CORO2A: variants seen among roughly 807,000 people sequenced by gnomAD.
CORO2A encodes coronin 2A.
CORO2A carries 47 observed loss-of-function variants against 62.4 expected under a neutral mutation model. That is an observed-to-expected ratio of 0.75 (90% CI 0.60 to 0.96). The LOEUF is 0.96. Ranked by LOEUF, CORO2A falls within the 40% of genes least tolerant of loss-of-function variation. The probability of loss-of-function intolerance (pLI) is 0.00; values close to 1 mark genes in which losing one functional copy is unlikely to be tolerated. For missense variants in CORO2A, 610 were observed against 684.1 expected (o/e 0.89, Z 1.21); for synonymous variants, 273 against 268.9 (o/e 1.02, Z -0.15).
At chr9:98,174,810 T>C (rs978264694) in intron 1 of CORO2A, among the ~76,000 whole-genome samples, 4 of 152,186 alleles carry the variant, frequency 2.6e-5, no homozygotes, top group African/African-American at 9.7e-5. Flanking sequence ...ATTAAACCTC[T>C]TTCCTTTATA....
chr9:98,184,707 CCAAA>C (rs1471893616), intron 1 of CORO2A, among the ~76,000 whole-genome samples: 3 of 152,132 alleles, frequency 2.0e-5, no homozygotes, highest in Admixed American at 6.5e-5. Flanking sequence ...GGGGACCCCA[CCAAA>C]CAAAGCCACA....
In CORO2A at chr9:98,132,307, G is replaced by A; in HGVS notation, c.649-6C>T. 2 of 1,611,914 alleles carry A rather than the reference G, an allele frequency of 1.2e-6. No homozygotes were observed. The highest frequency in any genetic ancestry group is 1.7e-6 in the Non-Finnish European group (2 of 1,178,226). On this transcript the variant is annotated splice_polypyrimidine_tract_variant and splice_region_variant and intron_variant, in intron 5 of 11. Transcript: ENST00000375077. Reference sequence around the variant, plus strand: ...TGCCCTTTGTAGCTGGCCTCCTGGAGGGACACGTGCGGTCGGTATTGGAGA... The same window carrying A: ...TGCCCTTTGTAGCTGGCCTCCTGGAAGGACACGTGCGGTCGGTATTGGAGA...
At chr9:98,177,765 T>A (rs7034681) in intron 1 of CORO2A, among the ~76,000 whole-genome samples, 104,394 of 150,092 alleles carry the variant, frequency 0.7, 38,258 homozygotes, top group East Asian at 0.97. Context: ...AAACAAACTG[T>A]GCTCACACCC....
chr9:98,148,565 C>G (rs1191186992), intron 2 of CORO2A, among the ~76,000 whole-genome samples: 1 of 151,692 alleles, frequency 6.6e-6, no homozygotes, highest in Non-Finnish European at 1.5e-5. Context: ...CATAGCAAAA[C>G]CTCACCTCTA....
chr9:98,178,455 C>T (rs931335775), intron 1 of CORO2A, among the ~76,000 whole-genome samples: 1 of 152,210 alleles, frequency 6.6e-6, no homozygotes, highest in African/African-American at 2.4e-5. Context: ...TCTGTAAGCG[C>T]TAGTTAGCTT....
At chr9:98,163,177 G>A (rs1827908736) in intron 1 of CORO2A, among the ~76,000 whole-genome samples, 5 of 152,198 alleles carry the variant, frequency 3.3e-5, no homozygotes, top group South Asian at 2.1e-4. Context: ...GTTTTGCATC[G>A]CACTGAGTTT....
At chr9:98,161,181 G>T (rs1827880754) in intron 1 of CORO2A, among the ~76,000 whole-genome samples, 1 of 152,172 alleles carries the variant, frequency 6.6e-6, no homozygotes, top group African/African-American at 2.4e-5. Flanking sequence ...GCTTGGTGTG[G>T]CCACAGAGGA....
chr9:98,184,622 T>C (rs55752813), intron 1 of CORO2A, among the ~76,000 whole-genome samples: 34,447 of 152,032 alleles, frequency 0.23, 3,952 homozygotes, highest in African/African-American at 0.26. Context: ...AGGGACGTAG[T>C]GCTTTGGGTC....
chr9:98,169,381 G>A (rs539314990), intron 1 of CORO2A, among the ~76,000 whole-genome samples: 16 of 152,110 alleles, frequency 1.1e-4, no homozygotes, highest in Middle Eastern at 3.4e-3. Context: ...GTCCCTGGGC[G>A]GGCCACCTCC....
intron 2 of CORO2A, among the ~76,000 whole-genome samples, chr9:98,150,543 A>G (rs1243106349): frequency 6.6e-6 from 1 of 152,140 alleles, no homozygotes; most frequent in Non-Finnish European, 1.5e-5. Flanking sequence ...CATCCTGCCT[A>G]AACTAGGTCC....
intron 1 of CORO2A, among the ~76,000 whole-genome samples, chr9:98,179,033 C>T (rs16913573): frequency 0.16 from 24,379 of 152,148 alleles, 2,804 homozygotes; most frequent in African/African-American, 0.3. Context: ...AGCTCTTTAC[C>T]GGTCCTTTTA....
intron 2 of CORO2A, among the ~76,000 whole-genome samples, chr9:98,156,572 A>G (rs950429834): frequency 6.6e-6 from 1 of 152,226 alleles, no homozygotes; most frequent in African/African-American, 2.4e-5. Flanking sequence ...ATGGGAATTT[A>G]AGATTTATCT....
At chr9:98,191,157 A>T (rs1486662951) in intron 1 of CORO2A, among the ~76,000 whole-genome samples, 3 of 152,238 alleles carry the variant, frequency 2.0e-5, no homozygotes, top group Admixed American at 2.0e-4. Flanking sequence ...CTGCTCCCTC[A>T]AACAGGGCAG....
chr9:98,184,579 T>C (rs150422041), intron 1 of CORO2A, among the ~76,000 whole-genome samples: 57 of 152,292 alleles, frequency 3.7e-4, no homozygotes, highest in South Asian at 8.3e-4. Flanking sequence ...TCCCGTCCTC[T>C]ATCCCTATCC....
intron 1 of CORO2A, among the ~76,000 whole-genome samples, chr9:98,181,659 C>T (rs1828179268): frequency 6.6e-6 from 1 of 152,100 alleles, no homozygotes; most frequent in South Asian, 2.1e-4. Flanking sequence ...AGTCCTGTTT[C>T]CTCCAGCCGG....
At chr9:98,181,295 C>T (rs550533648) in intron 1 of CORO2A, among the ~76,000 whole-genome samples, 20 of 150,948 alleles carry the variant, frequency 1.3e-4, no homozygotes, top group African/African-American at 4.1e-4. Flanking sequence ...TCACTAATCC[C>T]AGCCTCCTGT....
chr9:98,168,369 T>C (rs1827989215), intron 1 of CORO2A, among the ~76,000 whole-genome samples: 1 of 152,226 alleles, frequency 6.6e-6, no homozygotes, highest in Non-Finnish European at 1.5e-5. Context: ...GCACTACAAA[T>C]ACACATACTA....
intron 2 of CORO2A, among the ~76,000 whole-genome samples, chr9:98,140,532 G>A (rs530875037): frequency 5.9e-5 from 9 of 151,874 alleles, no homozygotes; most frequent in Admixed American, 3.3e-4. Flanking sequence ...CCTCGAACTC[G>A]GGGTAAGACA....
intron 6 of CORO2A, among the ~76,000 whole-genome samples, chr9:98,131,435 C>T (rs1827407763): frequency 1.3e-5 from 2 of 151,600 alleles, no homozygotes; most frequent in Non-Finnish European, 1.5e-5. Context: ...AAGCGATCCT[C>T]TCGCCTCAGT....
Sources: allele counts gnomAD v4.1 joint callset (sites outside exome capture counted in the v4.1 genomes callset), GRCh38; gene constraint gnomAD v4.1.1; transcripts MANE v1.5; gene names NCBI Gene and HGNC (gene_info 2026-07-23, HGNC 2026-07-21).